LRRCC1: variants seen among roughly 807,000 people sequenced by gnomAD.
LRRCC1 encodes leucine-rich repeat and coiled-coil domain-containing protein 1.
In LRRCC1, 115 loss-of-function variants were observed where a neutral mutation model predicts 126.0. The observed-to-expected ratio is 0.91, with a 90% CI of 0.78 to 1.07. LRRCC1 has a LOEUF of 1.07. Ranked by LOEUF, LRRCC1 falls within the 50% of genes least tolerant of loss-of-function variation. The pLI is 0.00. For missense variants in LRRCC1, 1,172 were observed against 1,175.7 expected (o/e 1.00, Z 0.05); for synonymous variants, 400 against 393.4 (o/e 1.02, Z -0.20).
intron 18 of LRRCC1, among the ~76,000 whole-genome samples, chr8:85,144,161 G>A (rs1811457801): frequency 6.6e-6 from 1 of 152,052 alleles, no homozygotes; most frequent in African/African-American, 2.4e-5. Flanking sequence ...ACCACCAACA[G>A]TGTTTTTAGA....
intron 18 of LRRCC1, among the ~76,000 whole-genome samples, chr8:85,144,402 A>ATGTGTGTGTG (rs56280153): frequency 8.0e-5 from 11 of 138,094 alleles, no homozygotes; most frequent in Non-Finnish European, 1.7e-4. Context: ...TAGAGTTAAA[A>ATGTGTGTGTG]TGTGTGTGTG....
rs576472351 is a variant in LRRCC1, at chr8:85,119,515, A to G, written c.931-3898A>G. ...CTAGCACTTTTTTTTTTTTTTTAAT[A>G]CAGTCTTGCTCTGTCACCCAAGCTG... On this transcript the variant is annotated intron_variant, in intron 6 of 18. Coordinates refer to ENST00000360375, the MANE Select transcript of LRRCC1 (RefSeq NM_033402.5). Among the ~76,000 whole-genome samples the G allele has an allele frequency of 4.1e-5, 6 of 146,600 alleles. No individual in the cohort carries two copies. The South Asian group carries it at 1.3e-3, about 31-fold the overall frequency.
At position 85,129,325 on chromosome 8, in the gene LRRCC1, C is replaced by A. The variant is rs375521750; in HGVS notation, c.1572C>A (p.Leu524=). 2 of 1,611,790 alleles carry A rather than the reference C, an allele frequency of 1.2e-6. No individual in the cohort carries two copies. Among genetic ancestry groups the A allele is most frequent in the Non-Finnish European group, 1.7e-6 (2 of 1,179,472 alleles). Residue 524 remains leucine (L), a synonymous_variant, in exon 10 of 19, where the codon CTC becomes CTA. Transcript: ENST00000360375. The stretch of plus-strand genomic sequence containing the variant: ...ATCACCTTAAACACTTAAGAACCCT[C>A]GAAAAAACATTAGAAAAAATGGAGA... The part of the protein sequence containing the change: ...QEDHLKHLRT[L]EKTLEKMERQ...
In LRRCC1 at chr8:85,144,444, G is replaced by GTA. The variant is rs869241784; in HGVS notation, c.2977-915_2977-914dup. Among the ~76,000 whole-genome samples, 704 of 114,850 alleles carry GTA rather than the reference G, an allele frequency of 6.1e-3. 41 individuals carry two copies. Among genetic ancestry groups the GTA allele is most frequent in the Admixed American group, 0.052 (523 of 10,074 alleles). 75.3% of individuals were successfully genotyped at this position (114,850 alleles called of 152,430 possible). ...TGTGTGTGTATGTGTGTGTGTGTGT[G>GTA]TATATATATATATATATATATATAT... On this transcript the variant is annotated intron_variant, in intron 18 of 18. Coordinates refer to ENST00000360375, the MANE Select transcript of LRRCC1 (RefSeq NM_033402.5).
At position 85,129,390 on chromosome 8, in the gene LRRCC1, A is replaced by G. The variant is rs777853437; in HGVS notation, c.1626+11A>G. On this transcript the variant is annotated intron_variant, in intron 10 of 18. Coordinates refer to ENST00000360375, the MANE Select transcript of LRRCC1 (RefSeq NM_033402.5). Reference sequence around the variant, plus strand: ...CAGCAGGCAGCACAGGTATTTCTCTATTTTAATATATGAGTAGCACAGATT... The same window carrying G: ...CAGCAGGCAGCACAGGTATTTCTCTGTTTTAATATATGAGTAGCACAGATT... The G allele has an allele frequency of 1.1e-4, 176 of 1,586,518 alleles. No individual in the cohort carries two copies. The highest frequency in any genetic ancestry group is 1.4e-4 in the Non-Finnish European group (165 of 1,165,352).
At position 85,109,750 on chromosome 8, in the gene LRRCC1, C is replaced by CA. The variant is rs765620248; in HGVS notation, c.264dup (p.Leu89ThrfsTer18). The CA allele has an allele frequency of 6.3e-6, 10 of 1,596,738 alleles. No individual in the cohort carries two copies. The highest frequency in any genetic ancestry group is 2.7e-5 in the African/African-American group (2 of 74,470). On this transcript the variant is annotated frameshift_variant, in exon 2 of 19. Transcript: ENST00000360375. LOFTEE classifies it high-confidence loss of function. ...AGAATTGAAGGACTAAACACACTGACAAAACTGTGCACATTAAATTTGTCC... is the reference window on the plus strand; with the variant it reads ...AGAATTGAAGGACTAAACACACTGACAAAAACTGTGCACATTAAATTTGTCC...
rs1810954309 is a variant in LRRCC1 at position 85,137,488 on chromosome 8, GA to G, written c.2358del (p.Lys786AsnfsTer27). ...QQGSSLAQNR[G>X]KLEAQIESLS... ...GGATCTTCTCTAGCCCAAAATCGTG[GA>G]AAATTGGAGGCTCAAATTGAGAGTT... On this transcript the variant is annotated frameshift_variant, in exon 15 of 19. Transcript: ENST00000360375. LOFTEE classifies it high-confidence loss of function. The G allele has an allele frequency of 6.4e-7, 1 of 1,555,358 alleles. No homozygotes were observed. Among genetic ancestry groups the G allele is most frequent in the South Asian group, 1.3e-5 (1 of 78,670 alleles).
rs201475963 is a variant in LRRCC1 at position 85,138,377 on chromosome 8, A to G, written c.2742A>G (p.Leu914=). The G allele has an allele frequency of 1.5e-4, 240 of 1,611,870 alleles. No individual in the cohort carries two copies. Among genetic ancestry groups the G allele is most frequent in the Non-Finnish European group, 1.8e-4 (218 of 1,179,040 alleles). Residue 914 remains leucine, a synonymous_variant, in exon 17 of 19, where the codon CTA becomes CTG. Coordinates refer to ENST00000360375, the MANE Select transcript of LRRCC1 (RefSeq NM_033402.5). ...NRKWHDKGEL[L]CHLETQVKEV... is the part of the protein sequence containing the mutation. ...AGTGGCATGATAAAGGAGAACTTCT[A>G]TGTCATCTTGAAACACAAGTAAAAG...
Position 85,126,677 on chromosome 8 carries a change from G to T in LRRCC1, c.1273-12G>T. Reference sequence around the variant, plus strand: ...TTTTCTAAGTTCACATAACTTTGTTGTTTTCTTTCAGTCCCTTGTTGAACA... The same window carrying T: ...TTTTCTAAGTTCACATAACTTTGTTTTTTTCTTTCAGTCCCTTGTTGAACA... On this transcript the variant is annotated splice_polypyrimidine_tract_variant and intron_variant, in intron 8 of 18. Transcript: ENST00000360375. 6.2e-7 allele frequency: 1 copy of T among 1,600,396 alleles called. No individual in the cohort carries two copies. The highest frequency in any genetic ancestry group is 1.1e-5 in the South Asian group (1 of 89,396).
At chr8:85,119,791 C>G (rs1388988206) in intron 6 of LRRCC1, among the ~76,000 whole-genome samples, 2 of 152,166 alleles carry the variant, frequency 1.3e-5, no homozygotes, top group Non-Finnish European at 2.9e-5. Flanking sequence ...AGGCACGGCC[C>G]CCAGCTGTAA....
intron 4 of LRRCC1, 118 bp from the exon 5 acceptor site, chr8:85,114,982 T>C (rs1165774815): frequency 1.5e-6 from 1 of 682,936 alleles, no homozygotes; most frequent in Non-Finnish European, 2.3e-6. Flanking sequence ...AAGTTTATTA[T>C]TTGCTTTCTG....
chr8:85,138,435 A>C lies in LRRCC1; in HGVS notation c.2800A>C (p.Lys934Gln), dbSNP rs1410145623. The C allele has an allele frequency of 1.9e-6, 3 of 1,612,868 alleles. No homozygotes were observed. Among genetic ancestry groups the C allele is most frequent in the Non-Finnish European group, 2.5e-6 (3 of 1,179,644 alleles). ...AGAAAAATTTGAAAACAAGGAAAAG[A>C]AACTTAAAGCGGAAAGAGACAAAAG... ...VKEKFENKEK[K>Q]LKAERDKSIE... Residue 934 changes from lysine to glutamine, a missense_variant, in exon 17 of 19, where the codon AAA becomes CAA. By Grantham distance (53) the Lys-to-Gln change is moderately conservative (BLOSUM62 1). Coordinates refer to ENST00000360375, the MANE Select transcript of LRRCC1 (RefSeq NM_033402.5).
At position 85,109,629 on chromosome 8, in the gene LRRCC1, G is replaced by T. The variant is rs374046471; in HGVS notation, c.139G>T (p.Ala47Ser). Residue 47 changes from alanine to serine, a missense_variant, in exon 2 of 19, where the codon GCC becomes TCC. Transcript: ENST00000360375. The part of the protein sequence containing the change: ...SELSLDSTLH[A>S]VNLHCNNISK... Reference sequence around the variant, plus strand: ...ATTATCTTTAGATTCAACTCTTCATGCCGTCAATCTTCATTGCAATAACAT... The same window carrying T: ...ATTATCTTTAGATTCAACTCTTCATTCCGTCAATCTTCATTGCAATAACAT... The T allele has an allele frequency of 3.9e-5, 62 of 1,609,622 alleles. No individual in the cohort carries two copies. Among genetic ancestry groups the T allele is most frequent in the Non-Finnish European group, 4.8e-5 (56 of 1,177,062 alleles).
In LRRCC1 at chr8:85,110,171, G is replaced by T. The variant is rs775465551; in HGVS notation, c.367G>T (p.Asp123Tyr). Reference protein sequence around the residue: ...RLNVSYNHIDDLSGLIPLHGI... With the variant: ...RLNVSYNHIDYLSGLIPLHGI... Reference sequence around the variant, plus strand: ...AAATGTATCTTATAACCACATAGATGATCTTAGTGGTAAGTAGAAATGCTT... The same window carrying T: ...AAATGTATCTTATAACCACATAGATTATCTTAGTGGTAAGTAGAAATGCTT... Residue 123 changes from aspartate (D) to tyrosine (Y), a missense_variant, in exon 3 of 19, where the codon GAT becomes TAT. Coordinates refer to ENST00000360375, the MANE Select transcript of LRRCC1 (RefSeq NM_033402.5). 1 of 1,296,468 alleles carries T rather than the reference G, an allele frequency of 7.7e-7. No individual in the cohort carries two copies. Among genetic ancestry groups the T allele is most frequent in the African/African-American group, 1.5e-5 (1 of 66,234 alleles). The allele number at this position is 1,296,468 out of a possible 1,614,324, so 80.3% of individuals were successfully genotyped here. A position where few individuals can be genotyped will look rare whatever the true frequency, so the allele number is the denominator to read the frequency against.
rs772311793 is a variant in LRRCC1, at chr8:85,113,003, A to G, written c.448A>G (p.Ile150Val). 1.9e-6 allele frequency: 3 copies of G among 1,602,728 alleles called. No individual in the cohort carries two copies. The highest frequency in any genetic ancestry group is 1.3e-5 in the African/African-American group (1 of 74,806). Residue 150 changes from isoleucine (I) to valine (V), a missense_variant, in exon 4 of 19, where the codon ATC becomes GTC. Coordinates refer to ENST00000360375, the MANE Select transcript of LRRCC1 (RefSeq NM_033402.5). ...IDLHSNRIDS[I>V]HHLLQCMVGL... ...TCTACATAGTAATCGTATAGATAGT[A>G]TCCATCACTTACTTCAGTGTATGGT...
rs1318868760 is a variant in LRRCC1 at position 85,115,555 on chromosome 8, G to A, written c.901G>A (p.Asp301Asn). 2 of 1,610,210 alleles carry A rather than the reference G, an allele frequency of 1.2e-6. No individual in the cohort carries two copies. Among genetic ancestry groups the A allele is most frequent in the Admixed American group, 1.7e-5 (1 of 59,768 alleles). The change falls in exon 6 of 19, where the codon GAT becomes AAT. Residue 301 changes from aspartate to asparagine, a missense_variant. Asp to Asn is a conservative substitution (Grantham distance 23). Coordinates refer to ENST00000360375, the MANE Select transcript of LRRCC1 (RefSeq NM_033402.5). ...GAATGAGATAAAACTTCAGAAATTAGATGACCAAATTCTACAACTTCTAAA... is the reference window on the plus strand; with the variant it reads ...GAATGAGATAAAACTTCAGAAATTAAATGACCAAATTCTACAACTTCTAAA... ...LQNEIKLQKL[D>N]DQILQLLNET...
intron 3 of LRRCC1, among the ~76,000 whole-genome samples, chr8:85,110,724 A>G (rs1033433218): frequency 1.4e-4 from 22 of 152,262 alleles, no homozygotes; most frequent in African/African-American, 5.3e-4. Context: ...AAGTTAAGGA[A>G]CAAATAAAAT....
chr8:85,124,964 A>C (rs1240893366), intron 8 of LRRCC1, 25 bp downstream of exon 8: 4 of 1,512,566 alleles, frequency 2.6e-6, no homozygotes, highest in Admixed American at 2.2e-5. Context: ...TTAAAGAAAA[A>C]ATGAGTATGA....
At chr8:85,112,323 A>G (rs1280935116) in intron 3 of LRRCC1, among the ~76,000 whole-genome samples, 1 of 152,126 alleles carries the variant, frequency 6.6e-6, no homozygotes, top group Non-Finnish European at 1.5e-5. Context: ...TTTTTATATG[A>G]TTTTTCCATT....
Sources: allele counts gnomAD v4.1 joint callset (sites outside exome capture counted in the v4.1 genomes callset), GRCh38; gene constraint gnomAD v4.1.1; transcripts MANE v1.5; gene names NCBI Gene and HGNC (gene_info 2026-07-23, HGNC 2026-07-21).